PAFAH1B1: variants seen among roughly 807,000 people sequenced by gnomAD.
The protein encoded by PAFAH1B1 is platelet activating factor acetylhydrolase 1b regulatory subunit 1, also known as platelet-activating factor acetylhydrolase IB subunit beta.
Under a neutral mutation model 57.5 loss-of-function variants are expected in PAFAH1B1, and 2 were observed. That is an observed-to-expected ratio of 0.03 (90% CI 0.01 to 0.11). The LOEUF is 0.11. Among genes scored for constraint, PAFAH1B1 ranks in the 10% least tolerant of loss-of-function variants. The pLI, the probability that PAFAH1B1 is intolerant of heterozygous loss-of-function variation, is 1.00. For synonymous variants in PAFAH1B1, 152 were observed against 169.6 expected (o/e 0.90, Z 0.81); for missense variants, 257 against 512.0 (o/e 0.50, Z 4.81).
intron 2 of PAFAH1B1, among the ~76,000 whole-genome samples, chr17:2,663,447 G>C (rs1471135910): frequency 6.6e-6 from 1 of 151,992 alleles, no homozygotes; most frequent in Non-Finnish European, 1.5e-5. Flanking sequence ...GAATGCAGGG[G>C]CTCACTCACA....
intron 1 of PAFAH1B1, among the ~76,000 whole-genome samples, chr17:2,621,270 A>G (rs573417010): frequency 6.6e-5 from 10 of 152,032 alleles, no homozygotes; most frequent in South Asian, 4.2e-4. Context: ...GTTTCCCTCT[A>G]TGTGTCCACA....
At chr17:2,613,286 A>C in intron 1 of PAFAH1B1, 1 of 206,972 alleles carries the variant, frequency 4.8e-6, no homozygotes, top group Non-Finnish European at 1.1e-5. Context: ...ACTTCAGCAC[A>C]GAGGCTGGGA....
chr17:2,634,382 C>T (rs988284061), intron 1 of PAFAH1B1, among the ~76,000 whole-genome samples: 3 of 152,134 alleles, frequency 2.0e-5, no homozygotes, highest in African/African-American at 7.2e-5. Context: ...GGTGATCCAC[C>T]CACCTTGGCC....
intron 1 of PAFAH1B1, among the ~76,000 whole-genome samples, chr17:2,605,542 A>C (rs1383640845): frequency 6.6e-6 from 1 of 152,084 alleles, no homozygotes; most frequent in Non-Finnish European, 1.5e-5. Context: ...CCTGTTTCTT[A>C]TTGCCTTCCA....
In PAFAH1B1 at chr17:2,682,508, T is replaced by A. The variant is rs1206410658; in HGVS notation, c.*706T>A. The A allele has an allele frequency of 1.3e-5, 2 of 152,694 alleles. No homozygotes were observed. The highest frequency in any genetic ancestry group is 3.8e-4 in the East Asian group (2 of 5,198). The allele number at this position is 152,694 out of a possible 1,614,324, so 9.5% of individuals were successfully genotyped here. On this transcript the variant is annotated 3_prime_UTR_variant, in exon 11 of 11. Coordinates refer to ENST00000397195, the MANE Select transcript of PAFAH1B1 (RefSeq NM_000430.4). Reference sequence around the variant, plus strand: ...CTCATTTATTTCATTTTGGTCTTAATGCTTTGTAAACAGGTCAAAAAATAC... The same window carrying A: ...CTCATTTATTTCATTTTGGTCTTAAAGCTTTGTAAACAGGTCAAAAAATAC...
intron 1 of PAFAH1B1, among the ~76,000 whole-genome samples, chr17:2,630,230 TC>T (rs1283704429): frequency 6.6e-6 from 1 of 152,200 alleles, no homozygotes; most frequent in African/African-American, 2.4e-5. Context: ...TTAAAGAGGT[TC>T]TGTTTTGATG....
At chr17:2,602,353 A>G (rs1410487547) in intron 1 of PAFAH1B1, among the ~76,000 whole-genome samples, 2 of 152,162 alleles carry the variant, frequency 1.3e-5, no homozygotes, top group Non-Finnish European at 2.9e-5. Context: ...CAAGACATCA[A>G]ATGTCACTAG....
intron 1 of PAFAH1B1, among the ~76,000 whole-genome samples, chr17:2,605,750 T>C (rs1423309901): frequency 6.6e-6 from 1 of 152,304 alleles, no homozygotes; most frequent in South Asian, 2.1e-4. Flanking sequence ...CCTATTTTTC[T>C]CTTCTTCTAG....
At chr17:2,660,519 C>T (rs2069000767) in intron 2 of PAFAH1B1, among the ~76,000 whole-genome samples, 1 of 152,140 alleles carries the variant, frequency 6.6e-6, no homozygotes, top group African/African-American at 2.4e-5. Context: ...TTTTCTGTTC[C>T]TGTGTTAGTC....
intron 2 of PAFAH1B1, among the ~76,000 whole-genome samples, chr17:2,646,062 A>G (rs929596532): frequency 2.0e-5 from 3 of 152,188 alleles, no homozygotes; most frequent in Admixed American, 6.6e-5. Flanking sequence ...CTTTATAAAA[A>G]TGACAGAAAA....
intron 1 of PAFAH1B1, among the ~76,000 whole-genome samples, chr17:2,617,923 C>T (rs762791696): frequency 2.0e-5 from 3 of 148,978 alleles, no homozygotes; most frequent in Non-Finnish European, 3.0e-5. Flanking sequence ...GACTCAGTCC[C>T]GCATCAAAAA....
At chr17:2,597,768 CAGAG>C (rs1473593663) in intron 1 of PAFAH1B1, among the ~76,000 whole-genome samples, 4 of 141,708 alleles carry the variant, frequency 2.8e-5, no homozygotes, top group Non-Finnish European at 6.3e-5. Context: ...TACTAAGTAA[CAGAG>C]AGACAGAAAG....
rs1034072079 is a variant in PAFAH1B1 at position 2,635,972 on chromosome 17, A to C, written c.-190-2127A>C. Reference sequence around the variant, plus strand: ...AAAATACAAAAAAAAAAAAAAAAAAAATTAGCTGGGGTTGGTGGCACATGC... The same window carrying C: ...AAAATACAAAAAAAAAAAAAAAAAACATTAGCTGGGGTTGGTGGCACATGC... On this transcript the variant is annotated intron_variant, in intron 1 of 10. Coordinates refer to ENST00000397195, the MANE Select transcript of PAFAH1B1 (RefSeq NM_000430.4). 5.9e-4 allele frequency among the ~76,000 whole-genome samples: 87 copies of C among 147,556 alleles called. 1 individual carries two copies. The highest frequency in any genetic ancestry group is 1.8e-3 in the African/African-American group (73 of 40,488).
intron 1 of PAFAH1B1, among the ~76,000 whole-genome samples, chr17:2,595,694 C>G (rs930922411): frequency 6.6e-6 from 1 of 152,094 alleles, no homozygotes; most frequent in African/African-American, 2.4e-5. Flanking sequence ...TGATTTCTTT[C>G]GTGTTCATTA....
At chr17:2,631,371 C>T (rs1260880434) in intron 1 of PAFAH1B1, among the ~76,000 whole-genome samples, 1 of 152,208 alleles carries the variant, frequency 6.6e-6, no homozygotes, top group East Asian at 1.9e-4. Context: ...GCACCCTCCC[C>T]TGAGTTCTGG....
At chr17:2,612,744 G>C (rs2068281713) in intron 1 of PAFAH1B1, among the ~76,000 whole-genome samples, 2 of 150,958 alleles carry the variant, frequency 1.3e-5, no homozygotes, top group Admixed American at 6.6e-5. Flanking sequence ...TACGTAGCTG[G>C]GATCACAAGA....
intron 1 of PAFAH1B1, among the ~76,000 whole-genome samples, chr17:2,620,732 C>T (rs913701745): frequency 2.6e-5 from 4 of 151,926 alleles, no homozygotes; most frequent in South Asian, 2.1e-4. Flanking sequence ...TATGGTGGCG[C>T]GTACCTGTAA....
chr17:2,627,519 A>T (rs532396568), intron 1 of PAFAH1B1, among the ~76,000 whole-genome samples: 2 of 152,330 alleles, frequency 1.3e-5, no homozygotes, highest in South Asian at 4.1e-4. Context: ...GAAAGCAGAT[A>T]GTGTGATGCC....
At chr17:2,628,746 A>G (rs186926305) in intron 1 of PAFAH1B1, among the ~76,000 whole-genome samples, 122 of 152,220 alleles carry the variant, frequency 8.0e-4, no homozygotes, top group Non-Finnish European at 1.6e-3. Flanking sequence ...TAATTTCTTA[A>G]TTACCGTTTC....
Sources: gnomAD v4.1 joint callset for allele counts (sites outside exome capture counted in the v4.1 genomes callset) on GRCh38, gnomAD v4.1.1 for gene constraint, MANE v1.5 for transcripts, NCBI Gene and HGNC (gene_info 2026-07-23, HGNC 2026-07-21) for gene names.